The following SNTG1 variants were observed in gnomAD, a reference collection of about 807,000 sequenced individuals.
SNTG1 encodes the protein gamma-1-syntrophin.
SNTG1 carries 39 observed loss-of-function variants against 74.7 expected under a neutral mutation model. That is an observed-to-expected ratio of 0.52 (90% CI 0.40 to 0.68). SNTG1 has a LOEUF of 0.68. SNTG1 is among the 30% of genes least tolerant of loss of function. The pLI is 0.00. For missense variants in SNTG1, 685 were observed against 609.5 expected (o/e 1.12, Z -1.30); for synonymous variants, 254 against 217.1 (o/e 1.17, Z -1.49).
chr8:50,020,115 A>T (rs1341102616), intron 1 of SNTG1, among the ~76,000 whole-genome samples: 1 of 152,168 alleles, frequency 6.6e-6, no homozygotes, highest in Non-Finnish European at 1.5e-5. Context: ...TTGTGTATTA[A>T]ACAGCACCTG....
chr8:50,470,871 C>T (rs1174938939), intron 8 of SNTG1, among the ~76,000 whole-genome samples: 1 of 152,124 alleles, frequency 6.6e-6, no homozygotes, highest in Non-Finnish European at 1.5e-5. Context: ...GGCGTTTATT[C>T]CCTTATTTGG....
At chr8:50,535,284 T>C (rs1032997354) in intron 10 of SNTG1, among the ~76,000 whole-genome samples, 1 of 152,174 alleles carries the variant, frequency 6.6e-6, no homozygotes, top group African/African-American at 2.4e-5. Flanking sequence ...TATTCAAATC[T>C]AAGTGTTCTG....
At chr8:50,414,919 T>A (rs1405645371) in intron 4 of SNTG1, among the ~76,000 whole-genome samples, 4 of 152,146 alleles carry the variant, frequency 2.6e-5, no homozygotes, top group Non-Finnish European at 4.4e-5. Context: ...CTATACATAG[T>A]TCACTGTGGC....
chr8:50,409,403 G>T (rs2092919504), intron 4 of SNTG1, among the ~76,000 whole-genome samples: 1 of 152,154 alleles, frequency 6.6e-6, no homozygotes, highest in Non-Finnish European at 1.5e-5. Context: ...TTACACAGTT[G>T]AAGTTTTAGC....
chr8:50,460,646 T>A (rs1263138831), intron 8 of SNTG1, among the ~76,000 whole-genome samples: 1 of 152,204 alleles, frequency 6.6e-6, no homozygotes, highest in Non-Finnish European at 1.5e-5. Context: ...TGATACATCT[T>A]GAGTTAATTT....
At chr8:50,048,404 CAG>C (rs892622006) in intron 1 of SNTG1, among the ~76,000 whole-genome samples, 13 of 152,254 alleles carry the variant, frequency 8.5e-5, no homozygotes, top group Admixed American at 2.6e-4. Flanking sequence ...TGAAAAATGG[CAG>C]AGTGTGGGGT....
intron 8 of SNTG1, among the ~76,000 whole-genome samples, chr8:50,461,156 GGT>G (rs71233496): frequency 0.2 from 25,139 of 123,764 alleles, 2,314 homozygotes; most frequent in Admixed American, 0.25. Flanking sequence ...AGATTTTTCT[GGT>G]GTGTGTGTGT....
chr8:50,429,846 T>C (rs2093211762), intron 4 of SNTG1, among the ~76,000 whole-genome samples: 1 of 152,012 alleles, frequency 6.6e-6, no homozygotes. Context: ...CTAAAGAAGG[T>C]ATATAAATGG....
At chr8:50,335,725 C>G (rs1427185184) in intron 2 of SNTG1, among the ~76,000 whole-genome samples, 1 of 152,156 alleles carries the variant, frequency 6.6e-6, no homozygotes, top group Non-Finnish European at 1.5e-5. Flanking sequence ...ACCAAGAACA[C>G]TCTTACACCA....
At chr8:50,567,842 C>A (rs1585708299) in intron 12 of SNTG1, among the ~76,000 whole-genome samples, 1 of 151,986 alleles carries the variant, frequency 6.6e-6, no homozygotes, top group Non-Finnish European at 1.5e-5. Context: ...TTTGTCATTT[C>A]TTTGTTTTAA....
chr8:49,934,258 T>C (rs1461911477), intron 1 of SNTG1, among the ~76,000 whole-genome samples: 1 of 151,924 alleles, frequency 6.6e-6, no homozygotes, highest in Non-Finnish European at 1.5e-5. Context: ...TGATCACCTC[T>C]CCTGGTCATA....
chr8:50,411,915 T>C (rs976746455), intron 4 of SNTG1, among the ~76,000 whole-genome samples: 1 of 152,104 alleles, frequency 6.6e-6, no homozygotes, highest in African/African-American at 2.4e-5. Flanking sequence ...TCAGGTTCCA[T>C]AGTCTGGGCA....
chr8:50,510,732 G>A (rs904424453), intron 9 of SNTG1, among the ~76,000 whole-genome samples: 43 of 152,262 alleles, frequency 2.8e-4, no homozygotes, highest in Middle Eastern at 3.4e-3. Context: ...TCTGATGGTA[G>A]TTTGTATTTC....
chr8:50,088,295 A>T (rs1823106810), intron 1 of SNTG1, among the ~76,000 whole-genome samples: 1 of 147,788 alleles, frequency 6.8e-6, no homozygotes, highest in Non-Finnish European at 1.5e-5. Flanking sequence ...CACAGCCAAT[A>T]TCATACTGAA....
chr8:50,172,546 T>A lies in SNTG1; in HGVS notation c.-102-15T>A, dbSNP rs1287975918. On this transcript the variant is annotated splice_polypyrimidine_tract_variant and intron_variant, in intron 1 of 18. Coordinates refer to ENST00000642720, the MANE Select transcript of SNTG1 (RefSeq NM_018967.5). ...AATGCTCATAGGACTTATTTTTTTTTATTTCTGCATCTAGACTGCTCTCCA... is the reference window on the plus strand; with the variant it reads ...AATGCTCATAGGACTTATTTTTTTTAATTTCTGCATCTAGACTGCTCTCCA... The A allele has an allele frequency of 6.6e-6, 1 of 152,140 alleles. No individual in the cohort carries two copies. Among genetic ancestry groups the A allele is most frequent in the Non-Finnish European group, 1.5e-5 (1 of 68,030 alleles). The allele number at this position is 152,140 out of a possible 1,614,324, so 9.4% of individuals were successfully genotyped here.
chr8:50,168,325 A>G (rs1252195756), intron 1 of SNTG1, among the ~76,000 whole-genome samples: 10 of 152,170 alleles, frequency 6.6e-5, no homozygotes, highest in Admixed American at 6.5e-4. Context: ...CACAAATTGT[A>G]GATTTACTAT....
intron 2 of SNTG1, among the ~76,000 whole-genome samples, chr8:50,233,764 G>T (rs950436495): frequency 5.3e-5 from 8 of 151,268 alleles, no homozygotes; most frequent in Non-Finnish European, 1.0e-4. Context: ...TTTCACTAAA[G>T]AGGCTATATG....
Position 50,153,219 on chromosome 8 carries a change from C to T in SNTG1, c.-102-19342C>T, listed in dbSNP as rs556861655. On this transcript the variant is annotated intron_variant, in intron 1 of 18. Coordinates refer to ENST00000642720, the MANE Select transcript of SNTG1 (RefSeq NM_018967.5). ...AATTGGCTACTGAAGCTTGTGCATG[C>T]ATCAAATAGTTCTTGTGCCACGGTT... is the stretch of plus-strand genomic sequence containing the variant. Among the ~76,000 whole-genome samples, 11 of 152,296 alleles carry T rather than the reference C, an allele frequency of 7.2e-5. No individual in the cohort carries two copies. The East Asian group carries it at 1.7e-3, about 24-fold the overall frequency.
chr8:50,094,251 C>T (rs565684184), intron 1 of SNTG1, among the ~76,000 whole-genome samples: 37 of 152,140 alleles, frequency 2.4e-4, no homozygotes, highest in African/African-American at 8.7e-4. Flanking sequence ...GAAGATGGAA[C>T]TGAACTGTCA....
Sources: gnomAD v4.1 joint callset for allele counts (sites outside exome capture counted in the v4.1 genomes callset) on GRCh38, gnomAD v4.1.1 for gene constraint, MANE v1.5 for transcripts, NCBI Gene and HGNC (gene_info 2026-07-23, HGNC 2026-07-21) for gene names.